Variants in SERAC1 observed in about 807,000 individuals in gnomAD.
SERAC1 encodes the protein protein SERAC1.
Under a neutral mutation model 85.7 loss-of-function variants are expected in SERAC1, and 36 were observed. The ratio of observed to expected loss-of-function variants is 0.42; its 90% CI spans 0.32 to 0.55. SERAC1 has a LOEUF of 0.55. SERAC1 is among the 20% of genes least tolerant of loss of function. SERAC1 has a pLI of 0.11. For synonymous variants in SERAC1, 242 were observed against 265.3 expected, an observed-to-expected ratio of 0.91 and a Z score of 0.85; for missense variants, 629 against 796.2, an observed-to-expected ratio of 0.79 and a Z score of 2.53.
At chr6:158,134,795 G>T (rs1238358479) in intron 8 of SERAC1, among the ~76,000 whole-genome samples, 1 of 152,098 alleles carries the variant, frequency 6.6e-6, no homozygotes, top group Non-Finnish European at 1.5e-5. Flanking sequence ...AAAGTTTGAA[G>T]AGCAACAGGA....
intron 10 of SERAC1, among the ~76,000 whole-genome samples, chr6:158,124,774 CACACACACACACACAT>C (rs200275578): frequency 4.2e-4 from 54 of 128,620 alleles, no homozygotes; most frequent in East Asian, 1.8e-3. Context: ...CACACACACA[CACACACACACACACAT>C]ACACACTCAA....
At chr6:158,153,964 CT>C (rs1785264840) in intron 3 of SERAC1, among the ~76,000 whole-genome samples, 2 of 151,090 alleles carry the variant, frequency 1.3e-5, no homozygotes. Context: ...GACCCCGTCT[CT>C]ACTAAAAATA....
intron 3 of SERAC1, among the ~76,000 whole-genome samples, chr6:158,151,696 A>G (rs1269139776): frequency 2.0e-5 from 3 of 152,170 alleles, no homozygotes. Context: ...AAGTGCTGGG[A>G]TTACAGGCGT....
Position 158,116,248 on chromosome 6 carries a change from TAAG to T in SERAC1, c.1435_1437del (p.Leu479del), listed in dbSNP as rs1199625391. On this transcript the variant is annotated inframe_deletion, in exon 14 of 17. Coordinates refer to ENST00000647468, the MANE Select transcript of SERAC1 (RefSeq NM_032861.4). ...CCAACACCAGCAGCTCTGAGCTTCC[TAAG>T]AAGTTCGTTGCTTCTGAATGCAATG... 3 of 1,614,178 alleles carry T rather than the reference TAAG, an allele frequency of 1.9e-6. No homozygotes were observed. The highest frequency in any genetic ancestry group is 2.5e-6 in the Non-Finnish European group (3 of 1,180,004).
chr6:158,122,922 C>T (rs1165516175), intron 10 of SERAC1, among the ~76,000 whole-genome samples: 5 of 152,276 alleles, frequency 3.3e-5, no homozygotes, highest in Middle Eastern at 3.4e-3. Context: ...TATAGTATTA[C>T]GTCACATGAG....
intron 1 of SERAC1, among the ~76,000 whole-genome samples, chr6:158,160,559 C>T (rs960996110): frequency 6.6e-6 from 1 of 152,076 alleles, no homozygotes; most frequent in Non-Finnish European, 1.5e-5. Context: ...TTACCTTTTC[C>T]CATCATGGTT....
chr6:158,167,983 GC>G (rs1785648029), intron 1 of SERAC1, among the ~76,000 whole-genome samples, 156 bp downstream of exon 1: 1 of 151,896 alleles, frequency 6.6e-6, no homozygotes, highest in Admixed American at 6.6e-5. Flanking sequence ...AGGCCCTCAC[GC>G]CCAGCCGAGC....
chr6:158,118,892 A>G (rs1231275530), intron 12 of SERAC1, 137 bp downstream of exon 12: 1 of 1,024,940 alleles, frequency 9.8e-7, no homozygotes, highest in Non-Finnish European at 1.4e-6. Flanking sequence ...GTCAAAACAT[A>G]CTACAAATCT....
chr6:158,130,587 A>C lies in SERAC1; in HGVS notation c.739-101T>G. ...CTGTACTAATAGATGGTGTTAGAAAATACTAATGTGTAGGGCCTCAAAATA... is the reference window on the plus strand; with the variant it reads ...CTGTACTAATAGATGGTGTTAGAAACTACTAATGTGTAGGGCCTCAAAATA... On this transcript the variant is annotated intron_variant, in intron 8 of 16. Transcript: ENST00000647468. 8 of 682,694 alleles carry C rather than the reference A, an allele frequency of 1.2e-5. No individual in the cohort carries two copies. The South Asian group carries it at 1.6e-4, about 14-fold the overall frequency. 42.3% of individuals were successfully genotyped at this position (682,694 alleles called of 1,614,324 possible).
At chr6:158,149,637 T>C (rs746243513) in intron 4 of SERAC1, among the ~76,000 whole-genome samples, 2 of 152,230 alleles carry the variant, frequency 1.3e-5, no homozygotes, top group Non-Finnish European at 2.9e-5. Flanking sequence ...TAAGTCTCAA[T>C]ATACAGGTAT....
intron 8 of SERAC1, among the ~76,000 whole-genome samples, chr6:158,131,338 CATTT>C (rs1419987569): frequency 2.1e-5 from 3 of 145,742 alleles, no homozygotes; most frequent in African/African-American, 2.5e-5. Context: ...TATATATTTA[CATTT>C]ATTATATACT....
chr6:158,121,665 A>T (rs1784424752), intron 10 of SERAC1, among the ~76,000 whole-genome samples: 1 of 152,150 alleles, frequency 6.6e-6, no homozygotes, highest in Non-Finnish European at 1.5e-5. Flanking sequence ...CAATATTCAA[A>T]TTTATAACAT....
rs146342331 is a variant in SERAC1 at position 158,135,633 on chromosome 6, A to C, written c.739-5147T>G. 2.9e-4 allele frequency among the ~76,000 whole-genome samples: 44 copies of C among 152,328 alleles called. 1 individual carries two copies. In the East Asian group the frequency reaches 8.3e-3, roughly 29 times the overall value. ...TACCAATATTAAATTTTCTGAATCG[A>C]TAACTGTACTGTGGTTCTTTCAGGG... On this transcript the variant is annotated intron_variant, in intron 8 of 16. Transcript: ENST00000647468.
intron 10 of SERAC1, among the ~76,000 whole-genome samples, chr6:158,124,748 AACACACACACACAC>A (rs201023302): frequency 3.1e-4 from 41 of 131,404 alleles, no homozygotes; most frequent in African/African-American, 9.1e-4. Context: ...AATGCTGGAA[AACACACACACACAC>A]ACACACACAC....
chr6:158,161,383 GAAAAAA>G (rs1307000278), intron 1 of SERAC1: 1 of 125,584 alleles, frequency 8.0e-6, no homozygotes, highest in Non-Finnish European at 1.7e-5. Context: ...CTCTGTCTCA[GAAAAAA>G]AAAAAAAAAT....
At chr6:158,154,279 T>A (rs1202977561) in intron 3 of SERAC1, among the ~76,000 whole-genome samples, 1 of 152,122 alleles carries the variant, frequency 6.6e-6, no homozygotes, top group African/African-American at 2.4e-5. Context: ...CAAAATTCTT[T>A]ACTATAATAA....
chr6:158,142,601 C>G (rs988386721), intron 8 of SERAC1, among the ~76,000 whole-genome samples: 1 of 152,006 alleles, frequency 6.6e-6, no homozygotes, highest in African/African-American at 2.4e-5. Context: ...CTCAGCCTCC[C>G]GAGTAGCTGG....
intron 1 of SERAC1, among the ~76,000 whole-genome samples, chr6:158,163,467 G>A (rs1029372157): frequency 3.9e-5 from 6 of 152,218 alleles, no homozygotes; most frequent in Non-Finnish European, 7.3e-5. Flanking sequence ...GGAGGCCAAG[G>A]TGGGATGATT....
In SERAC1 at chr6:158,146,926, A is replaced by G. The variant is rs1406670653; in HGVS notation, c.356-13T>C. ...GTACTAAAAGGATCTTTGCAAAAAG[A>G]AAAAGCCAAGACAATGTGAAAAGTT... On this transcript the variant is annotated splice_polypyrimidine_tract_variant and intron_variant, in intron 5 of 16. Transcript: ENST00000647468. 1.2e-6 allele frequency: 2 copies of G among 1,611,876 alleles called. No individual in the cohort carries two copies. The highest frequency in any genetic ancestry group is 1.7e-6 in the Non-Finnish European group (2 of 1,178,836).
Sources: gnomAD v4.1 joint callset for allele counts (sites outside exome capture counted in the v4.1 genomes callset) on GRCh38, gnomAD v4.1.1 for gene constraint, MANE v1.5 for transcripts, NCBI Gene and HGNC (gene_info 2026-07-23, HGNC 2026-07-21) for gene names.